Variants in FNDC3A observed in about 807,000 individuals in gnomAD.
FNDC3A encodes the protein fibronectin type-III domain-containing protein 3A.
FNDC3A carries 32 observed loss-of-function variants against 148.9 expected under a neutral mutation model. The ratio of observed to expected loss-of-function variants is 0.21; its 90% CI spans 0.16 to 0.29. FNDC3A has a LOEUF of 0.29. Among genes scored for constraint, FNDC3A ranks in the 10% least tolerant of loss-of-function variants. The pLI is 1.00. For missense variants in FNDC3A, 1,191 were observed against 1,452.8 expected (o/e 0.82, Z 2.93); for synonymous variants, 472 against 473.6 (o/e 1.00, Z 0.04).
chr13:49,004,912 G>C (rs1952193922), intron 1 of FNDC3A, among the ~76,000 whole-genome samples: 1 of 151,736 alleles, frequency 6.6e-6, no homozygotes, highest in South Asian at 2.1e-4. Context: ...ATATTCCACA[G>C]AGCAACATTA....
intron 19 of FNDC3A, among the ~76,000 whole-genome samples, chr13:49,191,707 G>GT (rs1380329955): frequency 6.6e-6 from 1 of 152,110 alleles, no homozygotes; most frequent in Non-Finnish European, 1.5e-5. Context: ...AAGTACTGAA[G>GT]TTTTTTGAGG....
rs189755052 is a variant in FNDC3A, at chr13:49,097,270, G to T, written c.176-17385G>T. ...AAGAACTATGAGAACAACTGTCTCA[G>T]CAGTTTTTATATTTTCCAAATATTT... On this transcript the variant is annotated intron_variant, in intron 3 of 25. Coordinates refer to ENST00000492622, the MANE Select transcript of FNDC3A (RefSeq NM_001079673.2). 1.4e-4 allele frequency among the ~76,000 whole-genome samples: 21 copies of T among 150,994 alleles called. 1 individual carries two copies. In the East Asian group the frequency reaches 3.7e-3, roughly 26 times the overall value.
chr13:49,069,553 T>G (rs1877506279), intron 2 of FNDC3A, among the ~76,000 whole-genome samples: 1 of 152,226 alleles, frequency 6.6e-6, no homozygotes, highest in Non-Finnish European at 1.5e-5. Context: ...TCTTCTTGCC[T>G]GGCCAATTCC....
intron 4 of FNDC3A, 40 bp downstream of exon 4, chr13:49,114,771 T>C: frequency 7.8e-7 from 1 of 1,277,980 alleles, no homozygotes; most frequent in South Asian, 1.2e-5. Flanking sequence ...ATTTGTATAA[T>C]AGTGATAATG....
intron 13 of FNDC3A, among the ~76,000 whole-genome samples, chr13:49,177,272 G>A (rs1885077255): frequency 6.6e-6 from 1 of 150,534 alleles, no homozygotes; most frequent in African/African-American, 2.4e-5. Flanking sequence ...AGCTCTAAAA[G>A]ATGAGGAAAT....
At chr13:48,991,120 C>T (rs1951907826) in intron 1 of FNDC3A, among the ~76,000 whole-genome samples, 2 of 152,228 alleles carry the variant, frequency 1.3e-5, no homozygotes, top group South Asian at 4.1e-4. Context: ...TATAAATGGC[C>T]TAAACACCAC....
intron 2 of FNDC3A, among the ~76,000 whole-genome samples, chr13:49,059,693 G>A (rs1446826146): frequency 2.6e-5 from 4 of 152,170 alleles, no homozygotes; most frequent in Admixed American, 1.3e-4. Flanking sequence ...CTGACCTCAA[G>A]CGATCCTCCC....
intron 3 of FNDC3A, chr13:49,110,320 C>A: frequency 6.5e-7 from 1 of 1,545,854 alleles, no homozygotes; most frequent in Non-Finnish European, 8.7e-7. Flanking sequence ...AAAAGCCGTT[C>A]TCCAATTAAA....
intron 20 of FNDC3A, 77 bp from the exon 21 acceptor site, chr13:49,197,648 A>G (rs1886218139): frequency 8.3e-7 from 1 of 1,203,808 alleles, no homozygotes; most frequent in African/African-American, 1.6e-5. Context: ...ACATGTGCTC[A>G]GGTAAAGAGC....
intron 2 of FNDC3A, among the ~76,000 whole-genome samples, chr13:49,024,292 A>G (rs1688232999): frequency 6.6e-6 from 1 of 152,044 alleles, no homozygotes; most frequent in African/African-American, 2.4e-5. Context: ...ATTCTATGGA[A>G]CCTTTAAAGA....
At chr13:49,134,647 A>G (rs546478770) in intron 5 of FNDC3A, among the ~76,000 whole-genome samples, 17 of 152,004 alleles carry the variant, frequency 1.1e-4, no homozygotes, top group African/African-American at 3.6e-4. Flanking sequence ...GAGGGTTCCA[A>G]TTTCTTTGCC....
intron 2 of FNDC3A, among the ~76,000 whole-genome samples, chr13:49,060,829 G>A (rs1391196888): frequency 1.3e-5 from 2 of 151,986 alleles, no homozygotes; most frequent in Non-Finnish European, 2.9e-5. Context: ...ATTACCAGGG[G>A]CTCGGAATAG....
chr13:49,058,842 A>G (rs931412010), intron 2 of FNDC3A, among the ~76,000 whole-genome samples: 2 of 152,110 alleles, frequency 1.3e-5, no homozygotes, highest in Admixed American at 1.3e-4. Context: ...TTTATTTCAC[A>G]CCATTCAGAT....
At chr13:49,016,406 A>T (rs1279534546) in intron 2 of FNDC3A, among the ~76,000 whole-genome samples, 1 of 152,146 alleles carries the variant, frequency 6.6e-6, no homozygotes, top group African/African-American at 2.4e-5. Context: ...TGTTTGTAGT[A>T]TTCTCTGATG....
chr13:48,999,969 G>T (rs968141731), intron 1 of FNDC3A, among the ~76,000 whole-genome samples: 22 of 152,070 alleles, frequency 1.4e-4, no homozygotes, highest in Admixed American at 9.8e-4. Flanking sequence ...CACTTTTGTG[G>T]TTTTTTTTAA....
At chr13:49,182,360 C>T (rs1317663691) in intron 14 of FNDC3A, among the ~76,000 whole-genome samples, 1 of 152,062 alleles carries the variant, frequency 6.6e-6, no homozygotes, top group Admixed American at 6.6e-5. Context: ...GAGTTATAAG[C>T]AATTCTAATT....
intron 1 of FNDC3A, among the ~76,000 whole-genome samples, chr13:48,994,301 ATAG>A (rs1261969884): frequency 1.3e-5 from 2 of 152,240 alleles, no homozygotes; most frequent in African/African-American, 4.8e-5. Context: ...GACATGGCAA[ATAG>A]TAGTGTGCAC....
chr13:48,990,542 A>G (rs1951895316), intron 1 of FNDC3A, among the ~76,000 whole-genome samples: 1 of 138,008 alleles, frequency 7.2e-6, no homozygotes, highest in Non-Finnish European at 1.5e-5. Flanking sequence ...GCTTCAGCCC[A>G]GGAGTTTGAG....
intron 4 of FNDC3A, among the ~76,000 whole-genome samples, chr13:49,118,470 A>T (rs770201526): frequency 2.6e-5 from 4 of 152,104 alleles, no homozygotes; most frequent in Non-Finnish European, 5.9e-5. Context: ...GCTTTTTTTC[A>T]TATTCCAGTG....
Sources: gnomAD v4.1 joint callset for allele counts (sites outside exome capture counted in the v4.1 genomes callset) on GRCh38, gnomAD v4.1.1 for gene constraint, MANE v1.5 for transcripts, NCBI Gene and HGNC (gene_info 2026-07-23, HGNC 2026-07-21) for gene names.